BTD: variants seen among roughly 807,000 people sequenced by gnomAD.
BTD encodes the protein biotinidase.
A neutral mutation model predicts 17.7 loss-of-function variants in BTD; 13 were observed. The observed-to-expected ratio is 0.74, with a 90% CI of 0.48 to 1.17. The LOEUF (loss-of-function observed/expected upper bound fraction) is 1.17. BTD is among the 50% of genes most tolerant of loss of function. The pLI is 0.00. For missense variants in BTD, 674 were observed against 650.4 expected, an observed-to-expected ratio of 1.04 and a Z score of -0.39; for synonymous variants, 240 against 245.2, an observed-to-expected ratio of 0.98 and a Z score of 0.20.
chr3:15,608,262 A>G (rs1017678269), intron 1 of BTD, among the ~76,000 whole-genome samples: 1 of 152,114 alleles, frequency 6.6e-6, no homozygotes, highest in Non-Finnish European at 1.5e-5. Context: ...AACAGAAGGA[A>G]TGTTGTTCCC....
intron 3 of BTD, among the ~76,000 whole-genome samples, chr3:15,663,375 T>G (rs1219404308): frequency 6.6e-6 from 1 of 152,210 alleles, no homozygotes; most frequent in Admixed American, 6.5e-5. Flanking sequence ...TTTTTCTGCT[T>G]CTATCTCTGG....
intron 3 of BTD, chr3:15,685,452 GA>G: frequency 6.2e-7 from 1 of 1,613,362 alleles, no homozygotes; most frequent in Non-Finnish European, 8.5e-7. Flanking sequence ...CTGCCTGAAA[GA>G]AAATAATTTA....
chr3:15,608,507 C>A (rs1292949940), intron 1 of BTD, among the ~76,000 whole-genome samples: 1 of 152,166 alleles, frequency 6.6e-6, no homozygotes, highest in Non-Finnish European at 1.5e-5. Flanking sequence ...GTGGCTCACA[C>A]CTGTAATCCC....
intron 1 of BTD, 194 bp downstream of exon 1, chr3:15,602,088 T>C: frequency 7.0e-7 from 1 of 1,438,728 alleles, no homozygotes; most frequent in Non-Finnish European, 9.1e-7. Flanking sequence ...TCTAGGCATT[T>C]ACTTACACGC....
chr3:15,690,323 C>T (rs2068627143), intron 3 of BTD: 7 of 971,768 alleles, frequency 7.2e-6, no homozygotes, highest in Non-Finnish European at 1.0e-5. Context: ...ATATTATTAT[C>T]CTACTTGAGA....
intron 3 of BTD, among the ~76,000 whole-genome samples, chr3:15,705,090 G>A (rs1225000726): frequency 6.6e-6 from 1 of 152,062 alleles, no homozygotes; most frequent in African/African-American, 2.4e-5. Flanking sequence ...TGGGTCTTTC[G>A]GATCCCAAGT....
chr3:15,654,417 A>AAGTC (rs1402126425), downstream of BTD, among the ~76,000 whole-genome samples: 2 of 152,150 alleles, frequency 1.3e-5, no homozygotes, highest in Non-Finnish European at 2.9e-5. Flanking sequence ...ACCTCCTCCT[A>AAGTC]AGTCAGTCAC....
chr3:15,678,192 T>C (rs1553576586), intron 3 of BTD: 3 of 1,596,814 alleles, frequency 1.9e-6, no homozygotes, highest in Admixed American at 3.4e-5. Context: ...AATACAATTT[T>C]AAAGAAGTTT....
chr3:15,618,610 C>G (rs1372768628), intron 1 of BTD, among the ~76,000 whole-genome samples: 1 of 152,162 alleles, frequency 6.6e-6, no homozygotes, highest in Non-Finnish European at 1.5e-5. Flanking sequence ...ACTGCAAGCT[C>G]CACCTCCCGG....
downstream of BTD, among the ~76,000 whole-genome samples, chr3:15,653,814 T>G (rs1471271865): frequency 6.6e-6 from 1 of 152,212 alleles, no homozygotes; most frequent in Non-Finnish European, 1.5e-5. Flanking sequence ...AAATCACGTG[T>G]GAAAGTTAAG....
chr3:15,678,447 G>C, intron 3 of BTD: 1 of 1,234,080 alleles, frequency 8.1e-7, no homozygotes. Flanking sequence ...TGTTTTTAAG[G>C]GTTTACATAT....
chr3:15,609,878 CCTT>C (rs2064563508), intron 1 of BTD, among the ~76,000 whole-genome samples: 1 of 149,118 alleles, frequency 6.7e-6, no homozygotes, highest in African/African-American at 2.5e-5. Context: ...AACTGGTCTT[CCTT>C]ATTTTTTTTT....
chr3:15,623,413 T>C (rs1470069183), intron 1 of BTD, among the ~76,000 whole-genome samples: 1 of 152,250 alleles, frequency 6.6e-6, no homozygotes, highest in Admixed American at 6.5e-5. Flanking sequence ...ATTATTGATA[T>C]AGTTGGATTA....
intron 3 of BTD, among the ~76,000 whole-genome samples, chr3:15,688,200 A>C (rs913023767): frequency 1.3e-5 from 2 of 152,246 alleles, no homozygotes; most frequent in Non-Finnish European, 2.9e-5. Context: ...TTAGTTCTGC[A>C]TATGATCTGC....
At chr3:15,603,758 C>G (rs1164457307) in intron 1 of BTD, among the ~76,000 whole-genome samples, 2 of 152,186 alleles carry the variant, frequency 1.3e-5, no homozygotes, top group African/African-American at 4.8e-5. Flanking sequence ...TATACCCGTT[C>G]CAAATGGGAG....
At chr3:15,622,559 G>C (rs2064976917) in intron 1 of BTD, among the ~76,000 whole-genome samples, 2 of 152,170 alleles carry the variant, frequency 1.3e-5, no homozygotes, top group African/African-American at 4.8e-5. Context: ...GATGTCCCTT[G>C]TATACAGTTG....
intron 2 of BTD, among the ~76,000 whole-genome samples, chr3:15,639,635 A>C (rs970543720): frequency 6.6e-6 from 1 of 152,232 alleles, no homozygotes. Context: ...CCTATTAAAC[A>C]GTACCCTAGT....
chr3:15,669,962 T>C lies in BTD; in HGVS notation c.399+27905T>C, dbSNP rs1433369887. The C allele has an allele frequency of 6.6e-5, 17 of 259,330 alleles. No individual in the cohort carries two copies. The East Asian group carries it at 1.3e-3, about 20-fold the overall frequency. 16.1% of individuals were successfully genotyped at this position (259,330 alleles called of 1,614,324 possible). A position where few individuals can be genotyped will look rare whatever the true frequency, so the allele number is the denominator to read the frequency against. On this transcript the variant is annotated intron_variant, in intron 3 of 3. Transcript: ENST00000672141. ...TCTTCTGTTACAATAGTGTTGCTTG[T>C]GTAAGCAGGTTAGAGTGCACAGTGT...
intron 3 of BTD, among the ~76,000 whole-genome samples, chr3:15,672,459 C>T (rs982581733): frequency 3.9e-5 from 6 of 152,184 alleles, no homozygotes; most frequent in Middle Eastern, 3.4e-3. Context: ...GTAATTTTTC[C>T]CCCTTTGTAA....
Sources: allele counts gnomAD v4.1 joint callset (sites outside exome capture counted in the v4.1 genomes callset), GRCh38; gene constraint gnomAD v4.1.1; transcripts MANE v1.5; gene names NCBI Gene and HGNC (gene_info 2026-07-23, HGNC 2026-07-21).